The following PLEKHM3 variants were observed in gnomAD, a reference collection of about 807,000 sequenced individuals.
The protein encoded by PLEKHM3 is pleckstrin homology domain containing M3, also known as pleckstrin homology domain-containing family M member 3.
PLEKHM3 carries 45 observed loss-of-function variants against 81.8 expected under a neutral mutation model. The ratio of observed to expected loss-of-function variants is 0.55; its 90% CI spans 0.43 to 0.71. The LOEUF (loss-of-function observed/expected upper bound fraction) is 0.71, where lower values mean the gene tolerates loss of function less well. Ranked by LOEUF, PLEKHM3 falls within the 30% of genes least tolerant of loss-of-function variation. The pLI is 0.00. For missense variants in PLEKHM3, 788 were observed against 924.3 expected (o/e 0.85, Z 1.91); for synonymous variants, 352 against 356.4 (o/e 0.99, Z 0.14).
chr2:208,011,785 CTTTTTTTTTTTTTTTTTTTT>C, intron 1 of PLEKHM3, among the ~76,000 whole-genome samples: 1 of 79,978 alleles, frequency 1.3e-5, no homozygotes, highest in South Asian at 3.4e-4. Flanking sequence ...CTCTGATAAA[CTTTTTTTTTTTTTTTTTTTT>C]TTTTTTTTTG....
At chr2:207,869,056 T>C (rs902248513) in intron 6 of PLEKHM3, 2 of 152,212 alleles carry the variant, frequency 1.3e-5, no homozygotes, top group Non-Finnish European at 2.9e-5. Flanking sequence ...TTACGTAAGA[T>C]AACATCTTAG....
Position 207,821,787 on chromosome 2 carries a change from CA to C in PLEKHM3, c.*6531del, listed in dbSNP as rs1367204174. 6.6e-6 allele frequency: 1 copy of C among 152,124 alleles called. No individual in the cohort carries two copies. The highest frequency in any genetic ancestry group is 2.4e-5 in the African/African-American group (1 of 41,428). 9.4% of individuals were successfully genotyped at this position (152,124 alleles called of 1,614,324 possible). A position where few individuals can be genotyped will look rare whatever the true frequency, so the allele number is the denominator to read the frequency against. On this transcript the variant is annotated 3_prime_UTR_variant, in exon 8 of 8. Coordinates refer to ENST00000427836, the MANE Select transcript of PLEKHM3 (RefSeq NM_001080475.3). ...GAGATGAGGGTCTCGCTATCTTGCC[CA>C]GACTTGTCTTGAACTCCTGGGCTCC...
intron 7 of PLEKHM3, among the ~76,000 whole-genome samples, chr2:207,845,637 C>G (rs926822473): frequency 6.6e-6 from 1 of 152,184 alleles, no homozygotes; most frequent in East Asian, 1.9e-4. Flanking sequence ...TCACATATCT[C>G]GGTAATGCCT....
chr2:207,831,227 A>G (rs1038758218), intron 7 of PLEKHM3, among the ~76,000 whole-genome samples: 1 of 152,186 alleles, frequency 6.6e-6, no homozygotes, highest in African/African-American at 2.4e-5. Flanking sequence ...AGGACATCTC[A>G]GTCAACCCCC....
chr2:207,992,836 G>C (rs1691942408), intron 2 of PLEKHM3, among the ~76,000 whole-genome samples: 1 of 152,272 alleles, frequency 6.6e-6, no homozygotes, highest in Non-Finnish European at 1.5e-5. Context: ...AAAGTGAAAA[G>C]GGCAGGGAAA....
intron 2 of PLEKHM3, among the ~76,000 whole-genome samples, chr2:207,985,705 C>T (rs1257397721): frequency 1.3e-5 from 2 of 151,878 alleles, no homozygotes; most frequent in Non-Finnish European, 2.9e-5. Flanking sequence ...CATGTTCTGG[C>T]CGGGTGCGGT....
intron 4 of PLEKHM3, among the ~76,000 whole-genome samples, chr2:207,937,702 A>G (rs1168032446): frequency 6.6e-6 from 1 of 152,250 alleles, no homozygotes; most frequent in Non-Finnish European, 1.5e-5. Context: ...AATTTGGAGA[A>G]TAAAGATCAA....
At chr2:207,919,396 T>C (rs1306546802) in intron 5 of PLEKHM3, among the ~76,000 whole-genome samples, 2 of 151,998 alleles carry the variant, frequency 1.3e-5, no homozygotes, top group African/African-American at 4.8e-5. Context: ...GGGCCAGGAG[T>C]GACATCATCT....
Position 207,823,914 on chromosome 2 carries a change from T to C in PLEKHM3, c.*4405A>G, listed in dbSNP as rs2092234169. ...CAGAGATTTTTGAATCCAATGAAAT[T>C]AGAATCGTCTACCAATAAGGAGACT... On this transcript the variant is annotated 3_prime_UTR_variant, in exon 8 of 8. Coordinates refer to ENST00000427836, the MANE Select transcript of PLEKHM3 (RefSeq NM_001080475.3). 1 of 152,224 alleles carries C rather than the reference T, an allele frequency of 6.6e-6. No individual in the cohort carries two copies. Among genetic ancestry groups the C allele is most frequent in the South Asian group, 2.1e-4 (1 of 4,830 alleles). The allele number at this position is 152,224 out of a possible 1,614,324, so 9.4% of individuals were successfully genotyped here. A position where few individuals can be genotyped will look rare whatever the true frequency, so the allele number is the denominator to read the frequency against.
intron 7 of PLEKHM3, chr2:207,851,344 A>G (rs1241577557): frequency 6.6e-6 from 1 of 152,162 alleles, no homozygotes; most frequent in Non-Finnish European, 1.5e-5. Context: ...GCTTTAGCAA[A>G]GCAGTTTTAT....
intron 7 of PLEKHM3, among the ~76,000 whole-genome samples, chr2:207,859,434 G>T (rs373839180): frequency 4.6e-5 from 7 of 150,844 alleles, no homozygotes; most frequent in Non-Finnish European, 1.5e-5. Context: ...CACCACGCCC[G>T]GCTACTTTTT....
At chr2:207,833,139 A>T (rs2092297986) in intron 7 of PLEKHM3, among the ~76,000 whole-genome samples, 1 of 149,550 alleles carries the variant, frequency 6.7e-6, no homozygotes, top group African/African-American at 2.4e-5. Flanking sequence ...AAAAAGATTC[A>T]TTGGCCCCCC....
chr2:207,888,094 C>T (rs1317979937), intron 6 of PLEKHM3, among the ~76,000 whole-genome samples: 1 of 152,122 alleles, frequency 6.6e-6, no homozygotes, highest in Admixed American at 6.5e-5. Context: ...TCCCTTTCCT[C>T]TCCACCCAGT....
At chr2:207,875,970 C>T (rs546943869) in intron 6 of PLEKHM3, among the ~76,000 whole-genome samples, 1 of 152,292 alleles carries the variant, frequency 6.6e-6, no homozygotes, top group South Asian at 2.1e-4. Context: ...AATGTGTATA[C>T]ATGCCCAAAT....
At chr2:207,835,936 A>G (rs1223607912) in intron 7 of PLEKHM3, among the ~76,000 whole-genome samples, 1 of 152,186 alleles carries the variant, frequency 6.6e-6, no homozygotes, top group African/African-American at 2.4e-5. Flanking sequence ...CTATGTGGAA[A>G]TATGTTTGTG....
chr2:208,015,960 G>A (rs935017731), intron 1 of PLEKHM3, among the ~76,000 whole-genome samples: 10 of 152,114 alleles, frequency 6.6e-5, no homozygotes, highest in South Asian at 4.1e-4. Flanking sequence ...TTGGGAGGCC[G>A]AGGCAGGTGG....
In PLEKHM3 at chr2:207,977,217, A is replaced by C. The variant is rs757826186; in HGVS notation, c.980T>G (p.Leu327Arg). Residue 327 changes from leucine to arginine, a missense_variant, in exon 3 of 8, where the codon CTT becomes CGT. Transcript: ENST00000427836. ...RQNELTISPGLGHHDDYTQNH... is the reference protein window; with the variant it reads ...RQNELTISPGRGHHDDYTQNH... ...CTGTGTATAGTCATCATGATGGCCA[A>C]GCCCTGGTGAGATTGTCAGCTCATT... is the stretch of plus-strand genomic sequence containing the variant. The C allele has an allele frequency of 6.2e-7, 1 of 1,614,150 alleles. No individual in the cohort carries two copies.
At chr2:208,006,780 T>A (rs1692506350) in intron 1 of PLEKHM3, among the ~76,000 whole-genome samples, 3 of 152,238 alleles carry the variant, frequency 2.0e-5, no homozygotes, top group African/African-American at 7.2e-5. Context: ...TTATCTTATA[T>A]TTGTATAGAA....
In PLEKHM3 at chr2:207,843,292, C is replaced by A. The variant is rs2092364831; in HGVS notation, c.2109-14796G>T. Among the ~76,000 whole-genome samples, 2 of 152,068 alleles carry A rather than the reference C, an allele frequency of 1.3e-5. No homozygotes were observed. Among genetic ancestry groups the A allele is most frequent in the African/African-American group, 2.4e-5 (1 of 41,416 alleles). ...CCTTTTCATTGTCTTTGGGTAGCAG[C>A]CTGCCTGAGCCACCTCCCCAGACCC... is the stretch of plus-strand genomic sequence containing the variant. On this transcript the variant is annotated intron_variant, in intron 7 of 7. Coordinates refer to ENST00000427836, the MANE Select transcript of PLEKHM3 (RefSeq NM_001080475.3). The surrounding 1 kb of genome is among the most constrained non-coding windows in gnomAD (Gnocchi z 4.4).
Sources: allele counts gnomAD v4.1 joint callset (sites outside exome capture counted in the v4.1 genomes callset), GRCh38; gene constraint gnomAD v4.1.1; non-coding constraint Gnocchi (gnomAD v3.1); transcripts MANE v1.5; gene names NCBI Gene and HGNC (gene_info 2026-07-23, HGNC 2026-07-21).